The following BIRC6 variants were observed in gnomAD, a reference collection of about 807,000 sequenced individuals.
The protein encoded by BIRC6 is dual E2 ubiquitin-conjugating enzyme/E3 ubiquitin-protein ligase BIRC6.
In BIRC6, 98 loss-of-function variants were observed where a neutral mutation model predicts 503.3. The ratio of observed to expected loss-of-function variants is 0.19; its 90% confidence interval spans 0.17 to 0.23. BIRC6 has a LOEUF of 0.23. Ranked by LOEUF, BIRC6 falls within the 10% of genes least tolerant of loss-of-function variation. BIRC6 has a pLI of 1.00. For missense variants in BIRC6, 5,360 were observed against 5,806.0 expected (o/e 0.92, Z 2.50); for synonymous variants, 2,240 against 2,078.7 (o/e 1.08, Z -2.11).
intron 61 of BIRC6, among the ~76,000 whole-genome samples, chr2:32,534,062 G>A (rs1558992684): frequency 6.6e-6 from 1 of 152,118 alleles, no homozygotes; most frequent in African/African-American, 2.4e-5. Context: ...TGTTTAATAA[G>A]AGACACTGTC....
chr2:32,459,439 T>G (rs1425851554), intron 23 of BIRC6, among the ~76,000 whole-genome samples: 2 of 152,186 alleles, frequency 1.3e-5, no homozygotes, highest in African/African-American at 4.8e-5. Context: ...TCAATGTGTG[T>G]TTTCAGTTCT....
At chr2:32,404,644 T>G (rs1216498295) in intron 8 of BIRC6, among the ~76,000 whole-genome samples, 2 of 151,910 alleles carry the variant, frequency 1.3e-5, no homozygotes, top group Non-Finnish European at 2.9e-5. Flanking sequence ...TCACAAAATA[T>G]TTTAAAAGAA....
intron 15 of BIRC6, among the ~76,000 whole-genome samples, chr2:32,437,222 G>T (rs1011862306): frequency 6.6e-6 from 1 of 152,120 alleles, no homozygotes; most frequent in East Asian, 1.9e-4. Flanking sequence ...AGCTTCGCCA[G>T]TATCATATAC....
intron 68 of BIRC6, among the ~76,000 whole-genome samples, chr2:32,596,885 A>G (rs1182957514): frequency 1.3e-5 from 2 of 152,212 alleles, no homozygotes; most frequent in Non-Finnish European, 2.9e-5. Flanking sequence ...TATGTGTGAG[A>G]GATTCTGGTT....
chr2:32,455,744 C>T (rs1272517194), intron 23 of BIRC6, among the ~76,000 whole-genome samples: 1 of 152,236 alleles, frequency 6.6e-6, no homozygotes, highest in Non-Finnish European at 1.5e-5. Flanking sequence ...AAGTTTTTCT[C>T]CACACTCCCC....
At chr2:32,572,848 G>T (rs893281714) in intron 65 of BIRC6, among the ~76,000 whole-genome samples, 1 of 152,136 alleles carries the variant, frequency 6.6e-6, no homozygotes. Context: ...ACTCCAAGTA[G>T]CCTCACTGTC....
At chr2:32,358,048 G>T (rs1573597505) in intron 1 of BIRC6, among the ~76,000 whole-genome samples, 1 of 138,876 alleles carries the variant, frequency 7.2e-6, no homozygotes, top group Non-Finnish European at 1.6e-5. Context: ...TGGGGTGGGG[G>T]TGGGGTGGGT....
In BIRC6 at chr2:32,403,441, A is replaced by G. The variant is rs1184178576; in HGVS notation, c.1418+1818A>G. Among the ~76,000 whole-genome samples, 3 of 152,302 alleles carry G rather than the reference A, an allele frequency of 2.0e-5. No homozygotes were observed. In the East Asian group the frequency reaches 5.8e-4, roughly 29 times the overall value. On this transcript the variant is annotated intron_variant, in intron 8 of 73. Transcript: ENST00000421745. Reference sequence around the variant, plus strand: ...TCTTATTTACATTGAAGGACTAAGGAATTGTTTTTGACAATTTTTTCTTAG... The same window carrying G: ...TCTTATTTACATTGAAGGACTAAGGGATTGTTTTTGACAATTTTTTCTTAG...
chr2:32,591,918 C>G (rs2061405556), intron 66 of BIRC6, among the ~76,000 whole-genome samples: 1 of 152,150 alleles, frequency 6.6e-6, no homozygotes, highest in Non-Finnish European at 1.5e-5. Flanking sequence ...CAGTGTTTGA[C>G]ACTGATTGTT....
intron 61 of BIRC6, chr2:32,532,125 A>G (rs760245493): frequency 4.8e-6 from 1 of 210,398 alleles, no homozygotes; most frequent in Non-Finnish European, 9.1e-6. Context: ...ATTCTCTTTG[A>G]TTTCATGTCG....
intron 1 of BIRC6, among the ~76,000 whole-genome samples, chr2:32,358,653 T>C (rs2033574513): frequency 6.6e-6 from 1 of 152,238 alleles, no homozygotes; most frequent in African/African-American, 2.4e-5. Context: ...AAAAGTTTAC[T>C]ATGTGAGTAA....
chr2:32,565,107 C>G (rs2059442423), intron 65 of BIRC6: 1 of 152,202 alleles, frequency 6.6e-6, no homozygotes, highest in Non-Finnish European at 1.5e-5. Context: ...CACTGGGGAT[C>G]TGATCTGCAG....
rs183932371 is a variant in BIRC6, at chr2:32,530,941, A to T, written c.12095-414A>T. Among the ~76,000 whole-genome samples, 3 of 152,344 alleles carry T rather than the reference A, an allele frequency of 2.0e-5. No homozygotes were observed. In the East Asian group the frequency reaches 5.8e-4, roughly 29 times the overall value. On this transcript the variant is annotated intron_variant, in intron 60 of 73. Transcript: ENST00000421745. ...TGTCATTAATTTTTCTTAATAGGATACTTTAGAGCATATTATTTGCTATGA... is the reference window on the plus strand; with the variant it reads ...TGTCATTAATTTTTCTTAATAGGATTCTTTAGAGCATATTATTTGCTATGA...
At chr2:32,591,084 G>A in intron 66 of BIRC6, 2 of 610,348 alleles carry the variant, frequency 3.3e-6, no homozygotes, top group Non-Finnish European at 4.1e-6. Context: ...ACAATGACTA[G>A]TTAGAATCAT....
intron 72 of BIRC6, among the ~76,000 whole-genome samples, 177 bp downstream of exon 72, chr2:32,607,820 A>G (rs995897633): frequency 3.3e-5 from 5 of 151,680 alleles, no homozygotes; most frequent in African/African-American, 1.2e-4. Flanking sequence ...TCTACTTAAA[A>G]AAAGAAAAAG....
chr2:32,492,192 C>T lies in BIRC6; in HGVS notation c.8340+634C>T, dbSNP rs537453543. Among the ~76,000 whole-genome samples, 10 of 151,892 alleles carry T rather than the reference C, an allele frequency of 6.6e-5. No homozygotes were observed. The South Asian group carries it at 8.3e-4, about 13-fold the overall frequency. On this transcript the variant is annotated intron_variant, in intron 44 of 73. Coordinates refer to ENST00000421745, the MANE Select transcript of BIRC6 (RefSeq NM_016252.4). ...ATCATTTTAAACTTCTTGGATTTGC[C>T]GTCAGATAAATTCTAATTTAGTTGT...
At chr2:32,553,406 G>A (rs575199206) in intron 65 of BIRC6, among the ~76,000 whole-genome samples, 7 of 151,188 alleles carry the variant, frequency 4.6e-5, no homozygotes, top group Non-Finnish European at 1.0e-4. Context: ...TTTTATTTTT[G>A]AGACAGAGTC....
intron 65 of BIRC6, among the ~76,000 whole-genome samples, chr2:32,574,043 C>G (rs1209157349): frequency 6.6e-6 from 1 of 151,832 alleles, no homozygotes; most frequent in Non-Finnish European, 1.5e-5. Flanking sequence ...ATTGGTGCTT[C>G]TTAAATATCT....
chr2:32,403,829 C>G (rs1473856079), intron 8 of BIRC6, among the ~76,000 whole-genome samples: 1 of 151,662 alleles, frequency 6.6e-6, no homozygotes, highest in Non-Finnish European at 1.5e-5. Context: ...TGGGAAAATG[C>G]AGGAGTGGAA....
Sources: gnomAD v4.1 joint callset for allele counts (sites outside exome capture counted in the v4.1 genomes callset) on GRCh38, gnomAD v4.1.1 for gene constraint, MANE v1.5 for transcripts, NCBI Gene and HGNC (gene_info 2026-07-23, HGNC 2026-07-21) for gene names.